Variants in FMN1 observed in about 807,000 individuals in gnomAD.
FMN1 encodes the protein formin 1.
In FMN1, 110 loss-of-function variants were observed where a neutral mutation model predicts 132.4. The observed-to-expected ratio is 0.83, with a 90% confidence interval of 0.71 to 0.97. FMN1 has a LOEUF of 0.97. FMN1 is among the 50% of genes least tolerant of loss of function. FMN1 has a pLI of 0.00. For synonymous variants in FMN1, 722 were observed against 651.7 expected (o/e 1.11, Z -1.64); for missense variants, 1,792 against 1,705.3 (o/e 1.05, Z -0.90).
At chr15:32,853,430 T>C (rs2059054389) in intron 17 of FMN1, among the ~76,000 whole-genome samples, 1 of 152,244 alleles carries the variant, frequency 6.6e-6, no homozygotes. Flanking sequence ...GTACATGTAA[T>C]AATGGTATTT....
At chr15:33,028,370 G>A (rs1206777914) in intron 6 of FMN1, among the ~76,000 whole-genome samples, 2 of 152,006 alleles carry the variant, frequency 1.3e-5, no homozygotes, top group African/African-American at 2.4e-5. Flanking sequence ...AAGTTGATAA[G>A]GCCACAAAAG....
At chr15:33,165,886 T>G (rs1261089885) in intron 3 of FMN1, among the ~76,000 whole-genome samples, 1 of 152,202 alleles carries the variant, frequency 6.6e-6, no homozygotes, top group African/African-American at 2.4e-5. Flanking sequence ...CCCACTTCCC[T>G]GATAGCCACA....
intron 4 of FMN1, among the ~76,000 whole-genome samples, chr15:33,126,583 A>C (rs1027025388): frequency 6.6e-6 from 1 of 152,246 alleles, no homozygotes; most frequent in African/African-American, 2.4e-5. Flanking sequence ...ACTTCTGCCC[A>C]TTCTTCAATA....
At chr15:32,836,780 CA>C (rs1220621915) in intron 17 of FMN1, among the ~76,000 whole-genome samples, 1 of 151,936 alleles carries the variant, frequency 6.6e-6, no homozygotes, top group Non-Finnish European at 1.5e-5. Flanking sequence ...ACATAGTTTC[CA>C]AAGCTGAACG....
At chr15:32,910,767 T>G (rs1162322829) in intron 10 of FMN1, among the ~76,000 whole-genome samples, 1 of 152,274 alleles carries the variant, frequency 6.6e-6, no homozygotes, top group Non-Finnish European at 1.5e-5. Context: ...CCTCAGGCTC[T>G]GAGTCCTTTC....
At chr15:33,119,400 C>A (rs575567617) in intron 4 of FMN1, among the ~76,000 whole-genome samples, 2 of 152,266 alleles carry the variant, frequency 1.3e-5, no homozygotes, top group African/African-American at 4.8e-5. Context: ...CTCAGGACAG[C>A]CTGGGAGGAA....
intron 4 of FMN1, among the ~76,000 whole-genome samples, chr15:33,129,853 C>A (rs1156884720): frequency 6.8e-6 from 1 of 147,580 alleles, no homozygotes; most frequent in Non-Finnish European, 1.5e-5. Context: ...AGTGCAGTGG[C>A]ACAATCTCGG....
intron 19 of FMN1, among the ~76,000 whole-genome samples, chr15:32,793,968 G>A (rs1395470257): frequency 6.6e-6 from 1 of 152,178 alleles, no homozygotes; most frequent in Non-Finnish European, 1.5e-5. Context: ...GTGGCTTGTG[G>A]ATTGAGTGAC....
chr15:33,017,186 G>C (rs1389693537), intron 6 of FMN1, among the ~76,000 whole-genome samples: 1 of 151,772 alleles, frequency 6.6e-6, no homozygotes. Context: ...GGAGGAATCA[G>C]TGGAGCGACA....
At chr15:32,876,082 C>G (rs374403679) in intron 16 of FMN1, among the ~76,000 whole-genome samples, 1 of 152,152 alleles carries the variant, frequency 6.6e-6, no homozygotes, top group Non-Finnish European at 1.5e-5. Context: ...CAGGAAATAT[C>G]AAGGATACTT....
chr15:32,818,643 A>T (rs1173166093), intron 17 of FMN1, among the ~76,000 whole-genome samples: 1 of 152,198 alleles, frequency 6.6e-6, no homozygotes, highest in African/African-American at 2.4e-5. Flanking sequence ...CTGTGCTTAA[A>T]CCTAATATAT....
At chr15:33,019,478 G>A (rs573006452) in intron 6 of FMN1, among the ~76,000 whole-genome samples, 9 of 152,330 alleles carry the variant, frequency 5.9e-5, no homozygotes, top group South Asian at 4.1e-4. Context: ...GTCCCACGCC[G>A]TGCGACTCCT....
intron 4 of FMN1, among the ~76,000 whole-genome samples, chr15:33,097,814 G>A (rs1037472969): frequency 1.3e-5 from 2 of 152,228 alleles, no homozygotes; most frequent in South Asian, 2.1e-4. Context: ...ACACATATTT[G>A]GAGATGTCAA....
In FMN1 at chr15:32,964,557, G is replaced by A. The variant is rs577306955; in HGVS notation, c.2988-300C>T. 7.2e-5 allele frequency among the ~76,000 whole-genome samples: 11 copies of A among 152,246 alleles called. No homozygotes were observed. The South Asian group carries it at 1.7e-3, about 23-fold the overall frequency. On this transcript the variant is annotated intron_variant, in intron 8 of 20. Coordinates refer to ENST00000616417, the MANE Select transcript of FMN1 (RefSeq NM_001277313.2). ...AATCCTGGGATTCGGATTCCTGGGG[G>A]CACCCAAGCTGCTCCTCCCTCAGCC...
In FMN1 at chr15:32,898,866, C is replaced by T. The variant is rs535179017; in HGVS notation, c.3682G>A (p.Val1228Ile). ...RDNGINLVDY[V>I]VKYYLRYYDQ... ...TAGTAACGCAGGTAATACTTAACAA[C>T]GTAGTCCACCAGATTAATCCCATTA... Residue 1228 changes from valine to isoleucine, a missense_variant, in exon 15 of 21, where the codon GTT (valine) becomes ATT (isoleucine). Around this residue, in one of 3 missense-constraint regions of FMN1, gnomAD observed 1,150 missense variants for 1,043.1 expected, o/e 1.10. Coordinates refer to ENST00000616417, the MANE Select transcript of FMN1 (RefSeq NM_001277313.2). 47 of 1,601,544 alleles carry T rather than the reference C, an allele frequency of 2.9e-5. No homozygotes were observed. The highest frequency in any genetic ancestry group is 1.8e-4 in the South Asian group (16 of 90,068).
chr15:32,993,560 T>G (rs1432471243), intron 7 of FMN1, among the ~76,000 whole-genome samples: 3 of 151,748 alleles, frequency 2.0e-5, no homozygotes, highest in Non-Finnish European at 4.4e-5. Flanking sequence ...TAACAAGAGC[T>G]TTCTCATTTC....
chr15:33,024,267 T>C (rs182950), intron 6 of FMN1, among the ~76,000 whole-genome samples: 16,068 of 130,218 alleles, frequency 0.12, 1,340 homozygotes, highest in Middle Eastern at 0.18. Context: ...TTTTTTGAGA[T>C]GTGGAGTCTC....
chr15:32,940,081 C>G (rs1203553323), intron 9 of FMN1, among the ~76,000 whole-genome samples: 1 of 152,122 alleles, frequency 6.6e-6, no homozygotes, highest in Non-Finnish European at 1.5e-5. Flanking sequence ...AGGTTCCCAA[C>G]AATATCACAA....
chr15:32,830,759 C>CCT (rs1191111234), intron 17 of FMN1, among the ~76,000 whole-genome samples: 4 of 152,106 alleles, frequency 2.6e-5, no homozygotes, highest in Non-Finnish European at 5.9e-5. Context: ...AAAAGCCCTC[C>CCT]CTGTCCGAGG....
Sources: allele counts gnomAD v4.1 joint callset (sites outside exome capture counted in the v4.1 genomes callset), GRCh38; gene constraint gnomAD v4.1.1; regional missense constraint gnomAD v4.1.1; transcripts MANE v1.5; gene names NCBI Gene and HGNC (gene_info 2026-07-23, HGNC 2026-07-21).